COL23A1: variants seen among roughly 807,000 people sequenced by gnomAD.
The protein encoded by COL23A1 is collagen type XXIII alpha 1 chain, also known as collagen alpha-1(XXIII) chain.
COL23A1 carries 97 observed loss-of-function variants against 99.3 expected under a neutral mutation model. The observed-to-expected ratio is 0.98, with a 90% CI of 0.83 to 1.16. COL23A1 has a LOEUF of 1.16. Among genes scored for constraint, COL23A1 ranks in the 50% most tolerant of loss-of-function variants. COL23A1 has a pLI of 0.00. For missense variants in COL23A1, 762 were observed against 757.4 expected (o/e 1.01, Z -0.07); for synonymous variants, 320 against 308.2 (o/e 1.04, Z -0.40).
At chr5:178,334,025 G>C (rs189736549) in intron 2 of COL23A1, among the ~76,000 whole-genome samples, 19 of 152,254 alleles carry the variant, frequency 1.2e-4, no homozygotes, top group African/African-American at 4.1e-4. Flanking sequence ...CTCCACAGGG[G>C]AGTAGCTGGG....
At position 178,342,983 on chromosome 5, in the gene COL23A1, G is replaced by A. The variant is rs185838284; in HGVS notation, c.362-36064C>T. 1.5e-3 allele frequency among the ~76,000 whole-genome samples: 231 copies of A among 152,344 alleles called. 2 individuals carry two copies. The highest frequency in any genetic ancestry group is 5.3e-3 in the African/African-American group (222 of 41,574). On this transcript the variant is annotated intron_variant, in intron 2 of 28. Coordinates refer to ENST00000390654, the MANE Select transcript of COL23A1 (RefSeq NM_173465.4). ...ACACTTTCCAACAACCACATGGACT[G>A]TAAGGCCACAGGGGAGGAATAATGG...
At position 178,302,441 on chromosome 5, in the gene COL23A1, C is replaced by CTG. The variant is rs1561842129; in HGVS notation, c.406+4433_406+4434insCA. ...GTGTGCGCCGGAGCACGGCTTCAATCCACCTCTGTGTGTGCCGGAGCACGG... is the reference window on the plus strand; with the variant it reads ...GTGTGCGCCGGAGCACGGCTTCAATCTGCACCTCTGTGTGTGCCGGAGCACGG... On this transcript the variant is annotated intron_variant, in intron 3 of 28. Coordinates refer to ENST00000390654, the MANE Select transcript of COL23A1 (RefSeq NM_173465.4). Among the ~76,000 whole-genome samples, 154 of 101,192 alleles carry CTG rather than the reference C, an allele frequency of 1.5e-3. 4 individuals are homozygous for CTG. Among genetic ancestry groups the CTG allele is most frequent in the African/African-American group, 6.0e-3 (146 of 24,268 alleles). 66.4% of individuals were successfully genotyped at this position (101,192 alleles called of 152,430 possible).
intron 2 of COL23A1, among the ~76,000 whole-genome samples, chr5:178,492,998 T>G (rs1444847085): frequency 1.3e-5 from 2 of 152,206 alleles, no homozygotes; most frequent in Non-Finnish European, 2.9e-5. Context: ...AAGCTGCTCT[T>G]AAGTGTGATC....
intron 3 of COL23A1, among the ~76,000 whole-genome samples, chr5:178,299,378 GT>G (rs1757913589): frequency 6.6e-6 from 1 of 152,208 alleles, no homozygotes; most frequent in African/African-American, 2.4e-5. Flanking sequence ...AGTTTTGGCA[GT>G]TGTGTCTTTC....
intron 2 of COL23A1, among the ~76,000 whole-genome samples, chr5:178,488,540 A>T (rs1757754474): frequency 6.6e-6 from 1 of 152,100 alleles, no homozygotes; most frequent in Non-Finnish European, 1.5e-5. Flanking sequence ...TTTTCCTTAA[A>T]ATGCAACATG....
intron 20 of COL23A1, 86 bp from the exon 21 acceptor site, chr5:178,247,917 G>T: frequency 1.7e-6 from 2 of 1,203,920 alleles, no homozygotes; most frequent in Non-Finnish European, 2.4e-6. Context: ...CTGCTGGATC[G>T]AGAGTCTCCT....
intron 2 of COL23A1, among the ~76,000 whole-genome samples, chr5:178,402,525 C>T (rs922884771): frequency 2.0e-5 from 3 of 151,936 alleles, no homozygotes; most frequent in Non-Finnish European, 4.4e-5. Context: ...TAACAATAAC[C>T]AATTGCACAT....
intron 8 of COL23A1, among the ~76,000 whole-genome samples, chr5:178,266,856 G>T (rs1299331596): frequency 6.6e-6 from 1 of 152,228 alleles, no homozygotes; most frequent in Non-Finnish European, 1.5e-5. Context: ...AACCTCTTGG[G>T]GTGGGGGCTG....
Position 178,439,764 on chromosome 5 carries a change from G to A in COL23A1, c.361+120918C>T, listed in dbSNP as rs959206295. ...CTCAGATGCAAATGCTCATAGAAGCGTTCTTCAAAATAGCCCCAAACTGGA... is the reference window on the plus strand; with the variant it reads ...CTCAGATGCAAATGCTCATAGAAGCATTCTTCAAAATAGCCCCAAACTGGA... On this transcript the variant is annotated intron_variant, in intron 2 of 28. Coordinates refer to ENST00000390654, the MANE Select transcript of COL23A1 (RefSeq NM_173465.4). The surrounding 1 kb of genome is among the most constrained non-coding windows in gnomAD (Gnocchi z 4.2). 7 of 152,354 alleles carry A rather than the reference G, an allele frequency of 4.6e-5. No individual in the cohort carries two copies. In the East Asian group the frequency reaches 5.8e-4, roughly 13 times the overall value. The allele number at this position is 152,354 out of a possible 1,614,324, so 9.4% of individuals were successfully genotyped here. A position where few individuals can be genotyped will look rare whatever the true frequency, so the allele number is the denominator to read the frequency against.
intron 2 of COL23A1, among the ~76,000 whole-genome samples, chr5:178,419,195 G>A (rs1042138274): frequency 7.2e-5 from 11 of 152,182 alleles, no homozygotes; most frequent in Admixed American, 3.9e-4. Flanking sequence ...CTGGCCCTCT[G>A]TCCCTCAGTC....
At chr5:178,413,160 A>G (rs10073030) in intron 2 of COL23A1, among the ~76,000 whole-genome samples, 39,478 of 152,092 alleles carry the variant, frequency 0.26, 7,052 homozygotes, top group African/African-American at 0.5. Flanking sequence ...CAGCCTGGAC[A>G]CAGAGCAAGA....
At chr5:178,287,734 A>G (rs952031570) in intron 5 of COL23A1, among the ~76,000 whole-genome samples, 1 of 152,132 alleles carries the variant, frequency 6.6e-6, no homozygotes, top group Non-Finnish European at 1.5e-5. Context: ...CTGACATCCC[A>G]GGACCTCCGG....
At chr5:178,291,655 G>A (rs901841446) in intron 3 of COL23A1, among the ~76,000 whole-genome samples, 13 of 152,042 alleles carry the variant, frequency 8.6e-5, no homozygotes, top group East Asian at 1.9e-4. Flanking sequence ...GGGAGTCAGC[G>A]AAGGGCTCTG....
At chr5:178,453,550 G>A (rs1767606097) in intron 2 of COL23A1, among the ~76,000 whole-genome samples, 1 of 152,088 alleles carries the variant, frequency 6.6e-6, no homozygotes, top group Admixed American at 6.6e-5. Flanking sequence ...GCTGACCAAG[G>A]AATCTACCCC....
intron 2 of COL23A1, among the ~76,000 whole-genome samples, chr5:178,321,059 C>T (rs1202327611): frequency 6.6e-6 from 1 of 152,252 alleles, no homozygotes; most frequent in Non-Finnish European, 1.5e-5. Flanking sequence ...ATTCACATAC[C>T]ATACAGTTCA....
At chr5:178,320,042 C>A (rs984814293) in intron 2 of COL23A1, among the ~76,000 whole-genome samples, 1 of 152,244 alleles carries the variant, frequency 6.6e-6, no homozygotes, top group African/African-American at 2.4e-5. Context: ...ATGCTTGCCG[C>A]CTCCTCGGGA....
intron 2 of COL23A1, among the ~76,000 whole-genome samples, chr5:178,555,382 G>A (rs776722597): frequency 1.1e-4 from 17 of 152,144 alleles, no homozygotes; most frequent in African/African-American, 1.4e-4. Flanking sequence ...TGCTGTATCT[G>A]CTGGGGTTGC....
chr5:178,415,800 A>T lies in COL23A1; in HGVS notation c.362-108881T>A, dbSNP rs928107813. Reference sequence around the variant, plus strand: ...CCTAGCGGGAGGTAGACAGGCAAACAAGAAAGACTGAAAACTCCTCGAGGG... The same window carrying T: ...CCTAGCGGGAGGTAGACAGGCAAACTAGAAAGACTGAAAACTCCTCGAGGG... On this transcript the variant is annotated intron_variant, in intron 2 of 28. Coordinates refer to ENST00000390654, the MANE Select transcript of COL23A1 (RefSeq NM_173465.4). The surrounding 1 kb of genome is among the most constrained non-coding windows in gnomAD (Gnocchi z 4.6). Among the ~76,000 whole-genome samples, 2 of 152,112 alleles carry T rather than the reference A, an allele frequency of 1.3e-5. No homozygotes were observed. The highest frequency in any genetic ancestry group is 4.8e-5 in the African/African-American group (2 of 41,440).
chr5:178,252,474 C>G, intron 17 of COL23A1, 70 bp downstream of exon 17: 1 of 1,436,376 alleles, frequency 7.0e-7, no homozygotes, highest in Non-Finnish European at 9.6e-7. Flanking sequence ...GGTCACAGAG[C>G]AGACAGGAAG....
Sources: gnomAD v4.1 joint callset for allele counts (sites outside exome capture counted in the v4.1 genomes callset) on GRCh38, gnomAD v4.1.1 for gene constraint, Gnocchi (gnomAD v3.1) non-coding constraint, MANE v1.5 for transcripts, NCBI Gene and HGNC (gene_info 2026-07-23, HGNC 2026-07-21) for gene names.